The following FRMPD1 variants were observed in gnomAD, a reference collection of about 807,000 sequenced individuals.
FRMPD1 encodes FERM and PDZ domain-containing protein 1.
In FRMPD1, 76 loss-of-function variants were observed where a neutral mutation model predicts 117.8. The observed-to-expected ratio is 0.65, with a 90% CI of 0.54 to 0.78. The LOEUF (loss-of-function observed/expected upper bound fraction) is 0.78. Among genes scored for constraint, FRMPD1 ranks in the 30% least tolerant of loss-of-function variants. The pLI is 0.00. For missense variants in FRMPD1, 1,786 were observed against 1,964.5 expected (o/e 0.91, Z 1.72); for synonymous variants, 783 against 770.4 (o/e 1.02, Z -0.27).
chr9:37,632,238 A>G, the FRMPD1 span, among the ~76,000 whole-genome samples: 53 of 152,312 alleles, frequency 3.5e-4, no homozygotes, highest in African/African-American at 1.3e-3. Flanking sequence ...ACAGTATCCT[A>G]TTGTTGAACC....
At chr9:37,622,764 G>A in the FRMPD1 span, among the ~76,000 whole-genome samples, 2 of 152,190 alleles carry the variant, frequency 1.3e-5, no homozygotes, top group Admixed American at 6.5e-5. Context: ...CATTGCAGTA[G>A]TCTCATTAAA....
At chr9:37,674,196 T>C (rs564090142) in intron 1 of FRMPD1, among the ~76,000 whole-genome samples, 105 of 152,362 alleles carry the variant, frequency 6.9e-4, no homozygotes, top group African/African-American at 2.5e-3. Flanking sequence ...TAAAAATTTC[T>C]TCTGCCAGAT....
chr9:37,673,657 C>T (rs1352496017), intron 1 of FRMPD1, among the ~76,000 whole-genome samples: 1 of 152,252 alleles, frequency 6.6e-6, no homozygotes, highest in African/African-American at 2.4e-5. Flanking sequence ...TTTGCCTGGG[C>T]ATCCAGGCAT....
chr9:37,638,671 T>A, the FRMPD1 span, among the ~76,000 whole-genome samples: 7 of 152,214 alleles, frequency 4.6e-5, no homozygotes, highest in African/African-American at 1.7e-4. Flanking sequence ...CTCTTCAAAG[T>A]TGATAAGAAA....
chr9:37,703,119 T>C (rs1323999093), intron 2 of FRMPD1, among the ~76,000 whole-genome samples: 1 of 152,130 alleles, frequency 6.6e-6, no homozygotes, highest in Non-Finnish European at 1.5e-5. Flanking sequence ...TCCTTTGTGG[T>C]CATCAGTTCA....
rs186110601 is a variant in FRMPD1 at position 37,690,831 on chromosome 9, G to A, written c.-4-1807G>A. Among the ~76,000 whole-genome samples the A allele has an allele frequency of 4.6e-5, 7 of 152,250 alleles. No individual in the cohort carries two copies. The East Asian group carries it at 9.7e-4, about 21-fold the overall frequency. On this transcript the variant is annotated intron_variant, in intron 1 of 15. Transcript: ENST00000377765. ...ATTGAGGTGCTGGTATCTGGTAAGG[G>A]CCTTCTTGCTGTATCATCCCATGGA...
At chr9:37,744,053 G>A (rs901338902) in intron 15 of FRMPD1, among the ~76,000 whole-genome samples, 2 of 152,016 alleles carry the variant, frequency 1.3e-5, no homozygotes, top group African/African-American at 4.8e-5. Flanking sequence ...GCTGGGCATG[G>A]TGGCAGATGC....
At chr9:37,626,622 GAAAAA>G in the FRMPD1 span, among the ~76,000 whole-genome samples, 853 of 48,650 alleles carry the variant, frequency 0.018, 72 homozygotes, top group African/African-American at 0.074. Flanking sequence ...CCTGGTATCT[GAAAAA>G]AAAAAAAAAA....
At chr9:37,625,883 A>C in the FRMPD1 span, among the ~76,000 whole-genome samples, 1 of 152,194 alleles carries the variant, frequency 6.6e-6, no homozygotes, top group Admixed American at 6.5e-5. Context: ...TCACAAGGAG[A>C]GGTTTGCAGA....
intron 1 of FRMPD1, among the ~76,000 whole-genome samples, chr9:37,659,253 G>T (rs909537271): frequency 6.6e-6 from 1 of 152,132 alleles, no homozygotes; most frequent in Non-Finnish European, 1.5e-5. Flanking sequence ...TGTTTCTATT[G>T]TATTTGAACC....
rs757186394 is a variant in FRMPD1, at chr9:37,740,880, G to A, written c.2352G>A (p.Pro784=). ...AADKLTPPGP[P]SGPRDVSTAE... ...ATAAGCTCACTCCCCCAGGCCCCCC[G>A]TCAGGTGAGCCGTCCCTTGCAGGTC... Residue 784 remains proline, a synonymous_variant, in exon 15 of 16, where the codon CCG becomes CCA. Coordinates refer to ENST00000377765, the MANE Select transcript of FRMPD1 (RefSeq NM_014907.3). The surrounding 1 kb of genome is among the most constrained non-coding windows in gnomAD (Gnocchi z 4.2). The A allele has an allele frequency of 1.4e-5, 23 of 1,612,772 alleles. No individual in the cohort carries two copies. Among genetic ancestry groups the A allele is most frequent in the Middle Eastern group, 1.6e-4 (1 of 6,082 alleles).
chr9:37,617,081 G>T, the FRMPD1 span, among the ~76,000 whole-genome samples: 7 of 152,244 alleles, frequency 4.6e-5, no homozygotes, highest in African/African-American at 1.7e-4. Context: ...TCAGGCCTAG[G>T]TATGTGATTT....
the FRMPD1 span, among the ~76,000 whole-genome samples, chr9:37,619,785 G>A: frequency 6.6e-6 from 1 of 150,796 alleles, no homozygotes; most frequent in African/African-American, 2.4e-5. Flanking sequence ...AAATTGAATC[G>A]AAAAAGGTTT....
At chr9:37,635,903 T>C in the FRMPD1 span, among the ~76,000 whole-genome samples, 2 of 151,722 alleles carry the variant, frequency 1.3e-5, no homozygotes, top group South Asian at 4.2e-4. Context: ...GTGTTAGCAG[T>C]GAGAGGGTTA....
rs771002723 is a variant in FRMPD1, at chr9:37,746,724, C to G, written c.4692C>G (p.Ala1564=). The G allele has an allele frequency of 6.2e-7, 1 of 1,614,094 alleles. No homozygotes were observed. The highest frequency in any genetic ancestry group is 8.5e-7 in the Non-Finnish European group (1 of 1,180,040). The change falls in exon 16 of 16, where the codon GCC becomes GCG. Residue 1564 remains alanine (A), a synonymous_variant. Transcript: ENST00000377765. ...LARQCTALTA[A]VFCLTQKFRA... ...GTCAGTGCACGGCCCTCACGGCCGC[C>G]GTGTTCTGTTTGACCCAGAAGTTCC...
At chr9:37,642,426 A>C in the FRMPD1 span, among the ~76,000 whole-genome samples, 1 of 151,998 alleles carries the variant, frequency 6.6e-6, no homozygotes, top group Non-Finnish European at 1.5e-5. Flanking sequence ...AGTTTCTTTC[A>C]CTAGATTTCT....
intron 1 of FRMPD1, among the ~76,000 whole-genome samples, chr9:37,658,227 C>T (rs558139461): frequency 1.8e-4 from 27 of 152,212 alleles, no homozygotes; most frequent in Middle Eastern, 6.8e-3. Flanking sequence ...AGCCTCACTT[C>T]GGAATCTATA....
At chr9:37,624,428 T>C in the FRMPD1 span, among the ~76,000 whole-genome samples, 36 of 152,298 alleles carry the variant, frequency 2.4e-4, no homozygotes, top group East Asian at 3.3e-3. Flanking sequence ...CAACATATAG[T>C]GCTACATTCT....
intron 2 of FRMPD1, among the ~76,000 whole-genome samples, chr9:37,705,981 A>AAAT (rs1179517872): frequency 6.6e-6 from 1 of 150,938 alleles, no homozygotes; most frequent in East Asian, 1.9e-4. Context: ...ATAAATAAAT[A>AAAT]AATAAATAAA....
Sources: gnomAD v4.1 joint callset for allele counts (sites outside exome capture counted in the v4.1 genomes callset) on GRCh38, gnomAD v4.1.1 for gene constraint, Gnocchi (gnomAD v3.1) non-coding constraint, MANE v1.5 for transcripts, NCBI Gene and HGNC (gene_info 2026-07-23, HGNC 2026-07-21) for gene names.